Variants in CACHD1 observed in about 807,000 individuals in gnomAD.
CACHD1 encodes the protein VWFA and cache domain-containing protein 1.
CACHD1 carries 71 observed loss-of-function variants against 138.7 expected under a neutral mutation model. The ratio of observed to expected loss-of-function variants is 0.51; its 90% CI spans 0.42 to 0.62. The LOEUF is 0.62. Among genes scored for constraint, CACHD1 ranks in the 20% least tolerant of loss-of-function variants. The pLI, the probability that CACHD1 is intolerant of heterozygous loss-of-function variation, is 0.00. For missense variants in CACHD1, 1,389 were observed against 1,625.3 expected (o/e 0.85, Z 2.50); for synonymous variants, 578 against 591.5 (o/e 0.98, Z 0.33).
chr1:64,648,637 C>T (rs1483166245), intron 9 of CACHD1, among the ~76,000 whole-genome samples: 1 of 152,052 alleles, frequency 6.6e-6, no homozygotes, highest in Non-Finnish European at 1.5e-5. Context: ...GTTTTTATTT[C>T]ATTTATTAAA....
intron 1 of CACHD1, 123 bp from the exon 2 acceptor site, chr1:64,550,471 T>C: frequency 3.0e-6 from 2 of 657,294 alleles, no homozygotes; most frequent in South Asian, 4.4e-5. Flanking sequence ...GTAAAATTAC[T>C]GCATTTTAAT....
At chr1:64,654,014 T>C in intron 11 of CACHD1, 133 bp downstream of exon 11, 1 of 801,354 alleles carries the variant, frequency 1.2e-6, no homozygotes, top group Non-Finnish European at 1.8e-6. Context: ...GTATTCTCAG[T>C]AATGTTTCCG....
intron 1 of CACHD1, among the ~76,000 whole-genome samples, chr1:64,516,010 T>C (rs1356309489): frequency 6.6e-6 from 1 of 152,170 alleles, no homozygotes; most frequent in Non-Finnish European, 1.5e-5. Context: ...GTAGAAGAGA[T>C]TGTTAATAGG....
chr1:64,615,116 A>G (rs1177499153), intron 4 of CACHD1, among the ~76,000 whole-genome samples: 1 of 152,062 alleles, frequency 6.6e-6, no homozygotes, highest in Non-Finnish European at 1.5e-5. Context: ...TTTTGATCAC[A>G]TTATTGTTTC....
intron 1 of CACHD1, among the ~76,000 whole-genome samples, chr1:64,502,144 A>G (rs1162414878): frequency 6.6e-6 from 1 of 152,240 alleles, no homozygotes; most frequent in Non-Finnish European, 1.5e-5. Flanking sequence ...TTTTGAATAG[A>G]GAAGACATAT....
intron 3 of CACHD1, among the ~76,000 whole-genome samples, chr1:64,586,743 G>A (rs1647054667): frequency 6.6e-6 from 1 of 151,704 alleles, no homozygotes; most frequent in South Asian, 2.1e-4. Flanking sequence ...TTCTCTACTG[G>A]CAATAACAAA....
At chr1:64,489,518 C>A (rs946114532) in intron 1 of CACHD1, among the ~76,000 whole-genome samples, 3 of 152,140 alleles carry the variant, frequency 2.0e-5, no homozygotes, top group Non-Finnish European at 4.4e-5. Flanking sequence ...TAAAAGCAGA[C>A]CCCGCTCTCA....
rs72673320 is a variant in CACHD1, at chr1:64,508,518, G to A, written c.198+37576G>A. Among the ~76,000 whole-genome samples the A allele has an allele frequency of 9.4e-3, 1,431 of 152,206 alleles. 15 individuals are homozygous for A. The highest frequency in any genetic ancestry group is 0.016 in the Non-Finnish European group (1,090 of 68,010). On this transcript the variant is annotated intron_variant, in intron 1 of 26. Transcript: ENST00000651257. Reference sequence around the variant, plus strand: ...TTTATCTGTCTAAACCTCAATTTCCGCATGCGTAAAATGGGGATAATCATG... The same window carrying A: ...TTTATCTGTCTAAACCTCAATTTCCACATGCGTAAAATGGGGATAATCATG...
At chr1:64,511,571 ATC>A (rs1277704560) in intron 1 of CACHD1, among the ~76,000 whole-genome samples, 39 of 152,168 alleles carry the variant, frequency 2.6e-4, no homozygotes, top group Admixed American at 2.6e-3. Flanking sequence ...TCTCCAGCTC[ATC>A]TCTCTCTCCA....
chr1:64,524,276 A>G (rs980034602), intron 1 of CACHD1, among the ~76,000 whole-genome samples: 1 of 152,236 alleles, frequency 6.6e-6, no homozygotes, highest in Non-Finnish European at 1.5e-5. Context: ...GATTATTTTA[A>G]TATTTTAAAT....
At chr1:64,655,665 A>T (rs1406593204) in intron 12 of CACHD1, among the ~76,000 whole-genome samples, 1 of 152,234 alleles carries the variant, frequency 6.6e-6, no homozygotes, top group Non-Finnish European at 1.5e-5. Flanking sequence ...GCTTCAAAGA[A>T]TCATAGAGAA....
intron 3 of CACHD1, among the ~76,000 whole-genome samples, chr1:64,597,524 G>GTTTTTTTTT (rs34162933): frequency 5.0e-5 from 4 of 80,404 alleles, no homozygotes; most frequent in African/African-American, 1.4e-4. Context: ...TTTTTTTGTT[G>GTTTTTTTTT]TTTTTTTTTT....
chr1:64,522,043 A>G (rs1557473813), intron 1 of CACHD1, among the ~76,000 whole-genome samples: 1 of 152,202 alleles, frequency 6.6e-6, no homozygotes, highest in Non-Finnish European at 1.5e-5. Context: ...ATCCAAGGCC[A>G]TGAAGATTGT....
chr1:64,525,529 T>C (rs183460266), intron 1 of CACHD1, among the ~76,000 whole-genome samples: 13 of 152,318 alleles, frequency 8.5e-5, no homozygotes, highest in Non-Finnish European at 1.6e-4. Context: ...ACTGTATTAC[T>C]GATGATCAAA....
chr1:64,505,754 G>A (rs1215769130), intron 1 of CACHD1, among the ~76,000 whole-genome samples: 2 of 54,394 alleles, frequency 3.7e-5, no homozygotes, highest in South Asian at 7.2e-4. Flanking sequence ...CCCGCCTTCC[G>A]GGCGCCCTCC....
At chr1:64,656,448 A>C (rs2100689539) in intron 12 of CACHD1, among the ~76,000 whole-genome samples, 1 of 152,282 alleles carries the variant, frequency 6.6e-6, no homozygotes, top group East Asian at 1.9e-4. Context: ...TAGAAAACAG[A>C]CTTTTGTGTT....
chr1:64,599,222 G>C lies in CACHD1; in HGVS notation c.411-3584G>C, dbSNP rs377470020. On this transcript the variant is annotated intron_variant, in intron 3 of 26. Coordinates refer to ENST00000651257, the MANE Select transcript of CACHD1 (RefSeq NM_020925.4). ...CTAGTTTATAGTCCAAATGGACGAA[G>C]ACAATTGATTAGTGTTTTGTTGGTA... 9.9e-5 allele frequency among the ~76,000 whole-genome samples: 15 copies of C among 152,192 alleles called. No individual in the cohort carries two copies. The East Asian group carries it at 2.9e-3, about 29-fold the overall frequency.
At chr1:64,495,417 CTTAAT>C (rs1646300411) in intron 1 of CACHD1, among the ~76,000 whole-genome samples, 1 of 152,130 alleles carries the variant, frequency 6.6e-6, no homozygotes, top group Non-Finnish European at 1.5e-5. Flanking sequence ...CCTATATAAT[CTTAAT>C]TTATTTCTTT....
intron 4 of CACHD1, among the ~76,000 whole-genome samples, chr1:64,625,054 C>T (rs1648048063): frequency 6.6e-6 from 1 of 152,180 alleles, no homozygotes; most frequent in Non-Finnish European, 1.5e-5. Context: ...TTATGGTCTG[C>T]AAAGCCAGAA....
Sources: allele counts gnomAD v4.1 joint callset (sites outside exome capture counted in the v4.1 genomes callset), GRCh38; gene constraint gnomAD v4.1.1; transcripts MANE v1.5; gene names NCBI Gene and HGNC (gene_info 2026-07-23, HGNC 2026-07-21).